UNC5D: variants seen among roughly 807,000 people sequenced by gnomAD.
UNC5D encodes unc-5 netrin receptor D.
Under a neutral mutation model 105.4 loss-of-function variants are expected in UNC5D, and 39 were observed. That is an observed-to-expected ratio of 0.37 (90% confidence interval 0.29 to 0.48). The LOEUF (loss-of-function observed/expected upper bound fraction) is 0.48. Among genes scored for constraint, UNC5D ranks in the 20% least tolerant of loss-of-function variants. The probability of loss-of-function intolerance (pLI) is 0.98; values close to 1 mark genes in which losing one functional copy is unlikely to be tolerated. For synonymous variants in UNC5D, 452 were observed against 450.4 expected, an observed-to-expected ratio of 1.00 and a Z score of -0.04; for missense variants, 991 against 1,202.4, an observed-to-expected ratio of 0.82 and a Z score of 2.60.
chr8:35,720,632 A>T (rs1828524363), intron 8 of UNC5D, among the ~76,000 whole-genome samples: 1 of 152,192 alleles, frequency 6.6e-6, no homozygotes, highest in Non-Finnish European at 1.5e-5. Flanking sequence ...CACACATGAC[A>T]GAGGCACACG....
chr8:35,419,309 T>A (rs1034617604), intron 1 of UNC5D, among the ~76,000 whole-genome samples: 10 of 152,140 alleles, frequency 6.6e-5, no homozygotes, highest in Admixed American at 6.5e-4. Flanking sequence ...TTCACTCAGC[T>A]CCAGGCTCAC....
intron 4 of UNC5D, among the ~76,000 whole-genome samples, chr8:35,678,938 A>AATGAT (rs1175522082): frequency 6.6e-6 from 1 of 152,110 alleles, no homozygotes; most frequent in Non-Finnish European, 1.5e-5. Flanking sequence ...GACGAGTACA[A>AATGAT]ATGATATAAT....
chr8:35,702,005 T>C (rs1827236875), intron 7 of UNC5D, among the ~76,000 whole-genome samples: 1 of 151,626 alleles, frequency 6.6e-6, no homozygotes, highest in African/African-American at 2.4e-5. Context: ...AAATAAAATG[T>C]GACAATTTAA....
chr8:35,603,671 G>T (rs555572253), intron 4 of UNC5D, among the ~76,000 whole-genome samples: 1 of 152,082 alleles, frequency 6.6e-6, no homozygotes, highest in Non-Finnish European at 1.5e-5. Context: ...TTATTGTGTG[G>T]GAGTCTAAGT....
intron 7 of UNC5D, among the ~76,000 whole-genome samples, chr8:35,702,438 T>C (rs1008212648): frequency 1.3e-5 from 2 of 152,022 alleles, no homozygotes; most frequent in Non-Finnish European, 2.9e-5. Flanking sequence ...GATTCTAATA[T>C]GCAGCCAACA....
chr8:35,491,538 G>A lies in UNC5D; in HGVS notation c.104-57754G>A, dbSNP rs376639710. Among the ~76,000 whole-genome samples, 24 of 152,208 alleles carry A rather than the reference G, an allele frequency of 1.6e-4. 1 individual carries two copies. In the South Asian group the frequency reaches 5.0e-3, roughly 32 times the overall value. On this transcript the variant is annotated intron_variant, in intron 1 of 16. Coordinates refer to ENST00000404895, the MANE Select transcript of UNC5D (RefSeq NM_080872.4). Reference sequence around the variant, plus strand: ...TGTTATATGGCCATTTACATAAGATGAGAGACTCCTGCATTATTATCCTTG... The same window carrying A: ...TGTTATATGGCCATTTACATAAGATAAGAGACTCCTGCATTATTATCCTTG...
At chr8:35,685,867 T>G (rs1414122222) in intron 6 of UNC5D, among the ~76,000 whole-genome samples, 1 of 152,206 alleles carries the variant, frequency 6.6e-6, no homozygotes, top group Non-Finnish European at 1.5e-5. Context: ...TGCAGTATCT[T>G]AAATAACCCA....
intron 4 of UNC5D, among the ~76,000 whole-genome samples, chr8:35,638,348 A>G (rs1164926438): frequency 2.0e-5 from 3 of 152,202 alleles, no homozygotes; most frequent in Non-Finnish European, 4.4e-5. Context: ...TGAGAACTTA[A>G]TGCCTACAGA....
chr8:35,275,046 G>T (rs1435044413), intron 1 of UNC5D, among the ~76,000 whole-genome samples: 1 of 151,522 alleles, frequency 6.6e-6, no homozygotes, highest in African/African-American at 2.4e-5. Context: ...AGCCAAGATC[G>T]CACCACTGCA....
chr8:35,630,134 G>C (rs1821946624), intron 4 of UNC5D, among the ~76,000 whole-genome samples: 1 of 152,090 alleles, frequency 6.6e-6, no homozygotes, highest in African/African-American at 2.4e-5. Flanking sequence ...TCAATAAATT[G>C]CTTCTTCCAC....
At chr8:35,587,965 A>AATATAT (rs57681405) in intron 3 of UNC5D, among the ~76,000 whole-genome samples, 6,310 of 104,854 alleles carry the variant, frequency 0.06, 437 homozygotes, top group East Asian at 0.099. Context: ...TAACTATAAT[A>AATATAT]ATATATATAT....
rs183935029 is a variant in UNC5D at position 35,304,884 on chromosome 8, G to A, written c.103+68997G>A. On this transcript the variant is annotated intron_variant, in intron 1 of 16. Transcript: ENST00000404895. ...GGAGAAAAATAAATTACTTTTGCATGCTAGCCCTGGAAGTCGTGCTGTTGT... is the reference window on the plus strand; with the variant it reads ...GGAGAAAAATAAATTACTTTTGCATACTAGCCCTGGAAGTCGTGCTGTTGT... 2.6e-3 allele frequency among the ~76,000 whole-genome samples: 396 copies of A among 152,182 alleles called. 2 individuals carry two copies. Among genetic ancestry groups the A allele is most frequent in the African/African-American group, 9.2e-3 (381 of 41,556 alleles).
intron 1 of UNC5D, among the ~76,000 whole-genome samples, chr8:35,467,925 C>A (rs1047226665): frequency 2.6e-5 from 4 of 151,988 alleles, no homozygotes; most frequent in Non-Finnish European, 5.9e-5. Flanking sequence ...TTTTTCCTAC[C>A]AAATCTAAAA....
chr8:35,710,941 T>TGTTTTGTTTTG (rs1827903344), intron 8 of UNC5D, among the ~76,000 whole-genome samples: 85 of 123,750 alleles, frequency 6.9e-4, no homozygotes, highest in African/African-American at 2.7e-3. Flanking sequence ...ATTCTTTTTT[T>TGTTTTGTTTTG]TTTTTTTTTT....
intron 7 of UNC5D, among the ~76,000 whole-genome samples, chr8:35,702,357 A>G (rs574484138): frequency 3.9e-5 from 6 of 152,278 alleles, no homozygotes; most frequent in African/African-American, 1.2e-4. Flanking sequence ...ACAAAAACCC[A>G]AACCTCAAAT....
intron 1 of UNC5D, among the ~76,000 whole-genome samples, chr8:35,367,439 A>G (rs1394322648): frequency 6.6e-6 from 1 of 152,166 alleles, no homozygotes; most frequent in Admixed American, 6.6e-5. Flanking sequence ...TCTTCCCCAG[A>G]TGAAAACATA....
chr8:35,495,464 A>C (rs967890982), intron 1 of UNC5D, among the ~76,000 whole-genome samples: 3 of 147,942 alleles, frequency 2.0e-5, no homozygotes, highest in African/African-American at 7.6e-5. Flanking sequence ...ACAACAAAAA[A>C]AAAAAAAAAA....
chr8:35,766,411 A>G (rs1184657526), intron 14 of UNC5D, among the ~76,000 whole-genome samples: 1 of 152,144 alleles, frequency 6.6e-6, no homozygotes, highest in Admixed American at 6.5e-5. Context: ...ATACATTAGC[A>G]ATATTGTATT....
chr8:35,460,599 T>A (rs987612627), intron 1 of UNC5D, among the ~76,000 whole-genome samples: 1 of 152,228 alleles, frequency 6.6e-6, no homozygotes, highest in Non-Finnish European at 1.5e-5. Flanking sequence ...TTCATTGATT[T>A]TTGAAAGCAT....
Sources: allele counts gnomAD v4.1 joint callset (sites outside exome capture counted in the v4.1 genomes callset), GRCh38; gene constraint gnomAD v4.1.1; transcripts MANE v1.5; gene names NCBI Gene and HGNC (gene_info 2026-07-23, HGNC 2026-07-21).